Variants in CDK14 observed in about 807,000 individuals in gnomAD.
The protein encoded by CDK14 is cyclin dependent kinase 14.
Under a neutral mutation model 60.7 loss-of-function variants are expected in CDK14, and 34 were observed. That is an observed-to-expected ratio of 0.56 (90% confidence interval 0.43 to 0.75). The LOEUF (loss-of-function observed/expected upper bound fraction) is 0.75, where lower values mean the gene tolerates loss of function less well. Among genes scored for constraint, CDK14 ranks in the 30% least tolerant of loss-of-function variants. CDK14 has a pLI of 0.00. For missense variants in CDK14, 482 were observed against 564.1 expected (o/e 0.85, Z 1.47); for synonymous variants, 197 against 203.7 (o/e 0.97, Z 0.28).
chr7:91,153,626 A>G (rs1584137133), intron 14 of CDK14, among the ~76,000 whole-genome samples: 1 of 152,214 alleles, frequency 6.6e-6, no homozygotes, highest in Admixed American at 6.5e-5. Flanking sequence ...AAACTAATGC[A>G]GGAACGGAAA....
At chr7:90,605,543 G>C (rs977455595) in intron 2 of CDK14, among the ~76,000 whole-genome samples, 3 of 152,126 alleles carry the variant, frequency 2.0e-5, no homozygotes, top group African/African-American at 7.2e-5. Flanking sequence ...TTTCAGGAGA[G>C]TGTTTTCTTT....
At chr7:91,030,146 T>C (rs1259679571) in intron 10 of CDK14, among the ~76,000 whole-genome samples, 2 of 152,238 alleles carry the variant, frequency 1.3e-5, no homozygotes, top group African/African-American at 2.4e-5. Context: ...ATTGTATATA[T>C]CTAAATGCTA....
In CDK14 at chr7:90,706,008, C is replaced by T. The variant is rs562396682; in HGVS notation, c.124-20559C>T. Among the ~76,000 whole-genome samples the T allele has an allele frequency of 2.0e-5, 3 of 152,218 alleles. No homozygotes were observed. The East Asian group carries it at 5.8e-4, about 29-fold the overall frequency. ...AAGTCTCATATAAAGACAGGCATTT[C>T]AAAGGATCGATTTTTGTTTACTCAC... On this transcript the variant is annotated intron_variant, in intron 2 of 14. Transcript: ENST00000380050.
intron 14 of CDK14, among the ~76,000 whole-genome samples, chr7:91,175,105 T>C (rs1353583295): frequency 6.8e-6 from 1 of 147,142 alleles, no homozygotes; most frequent in Non-Finnish European, 1.5e-5. Flanking sequence ...TAACAGCGGA[T>C]CTCTCGGCAG....
At chr7:91,176,153 T>C (rs1160340394) in intron 14 of CDK14, among the ~76,000 whole-genome samples, 7 of 151,546 alleles carry the variant, frequency 4.6e-5, no homozygotes, top group Admixed American at 1.3e-4. Context: ...GGATTAAGAA[T>C]CTCACTCAAA....
intron 14 of CDK14, among the ~76,000 whole-genome samples, chr7:91,185,221 A>G (rs1252658886): frequency 6.6e-6 from 1 of 151,148 alleles, no homozygotes; most frequent in Non-Finnish European, 1.5e-5. Context: ...TAAAAGAACT[A>G]TTTAGAAAAC....
At chr7:90,846,614 T>C (rs1378084961) in intron 5 of CDK14, among the ~76,000 whole-genome samples, 1 of 151,988 alleles carries the variant, frequency 6.6e-6, no homozygotes, top group Non-Finnish European at 1.5e-5. Flanking sequence ...AAAGGAAAAA[T>C]GTAAAAACCT....
At chr7:90,982,909 A>G (rs1795268928) in intron 9 of CDK14, among the ~76,000 whole-genome samples, 3 of 152,164 alleles carry the variant, frequency 2.0e-5, no homozygotes, top group Non-Finnish European at 4.4e-5. Context: ...GGCATTTCTC[A>G]AAAGAAGACA....
intron 1 of CDK14, among the ~76,000 whole-genome samples, chr7:90,603,894 A>G (rs1332996440): frequency 2.6e-5 from 4 of 152,220 alleles, no homozygotes; most frequent in African/African-American, 9.6e-5. Flanking sequence ...CTTTAAGATT[A>G]CTTCGTGATT....
chr7:90,804,183 G>A (rs1303835004), intron 5 of CDK14, among the ~76,000 whole-genome samples: 1 of 152,196 alleles, frequency 6.6e-6, no homozygotes, highest in African/African-American at 2.4e-5. Flanking sequence ...CAGTCTTGAT[G>A]GAGACTGTGC....
At position 91,067,944 on chromosome 7, in the gene CDK14, G is replaced by C. The variant is rs143193425; in HGVS notation, c.1106-11488G>C. Among the ~76,000 whole-genome samples the C allele has an allele frequency of 8.6e-3, 1,310 of 152,280 alleles. 14 individuals are homozygous for C. The highest frequency in any genetic ancestry group is 0.028 in the African/African-American group (1,162 of 41,552). On this transcript the variant is annotated intron_variant, in intron 11 of 14. Transcript: ENST00000380050. ...GAAATCATAGCAAATTATTAAGCTTGCTTTGCGGATAGTACAAAGTTAAGG... is the reference window on the plus strand; with the variant it reads ...GAAATCATAGCAAATTATTAAGCTTCCTTTGCGGATAGTACAAAGTTAAGG...
chr7:90,908,842 T>C (rs998775908), intron 7 of CDK14, among the ~76,000 whole-genome samples: 4 of 152,192 alleles, frequency 2.6e-5, no homozygotes, highest in Non-Finnish European at 4.4e-5. Context: ...TACATCCTAT[T>C]TGAAATTAGT....
chr7:91,010,212 A>G (rs1411620165), intron 10 of CDK14, among the ~76,000 whole-genome samples: 1 of 152,090 alleles, frequency 6.6e-6, no homozygotes, highest in Non-Finnish European at 1.5e-5. Flanking sequence ...CATTCAACTT[A>G]TACAGACTTT....
intron 1 of CDK14, among the ~76,000 whole-genome samples, chr7:90,603,492 T>A (rs1033602689): frequency 6.6e-6 from 1 of 152,148 alleles, no homozygotes; most frequent in African/African-American, 2.4e-5. Context: ...ATAGCCTAGG[T>A]GTGTAGTAGG....
chr7:90,925,882 A>G lies in CDK14; in HGVS notation c.826+8158A>G, dbSNP rs191955110. Among the ~76,000 whole-genome samples, 13 of 152,326 alleles carry G rather than the reference A, an allele frequency of 8.5e-5. No individual in the cohort carries two copies. The East Asian group carries it at 2.5e-3, about 29-fold the overall frequency. On this transcript the variant is annotated intron_variant, in intron 8 of 14. Transcript: ENST00000380050. Reference sequence around the variant, plus strand: ...TCTATGTGGGGAAATTAAATCACTCATATAAGAGAAAAGCAAATCCTTTTA... The same window carrying G: ...TCTATGTGGGGAAATTAAATCACTCGTATAAGAGAAAAGCAAATCCTTTTA...
chr7:90,915,503 A>AC (rs1015041842), intron 7 of CDK14, among the ~76,000 whole-genome samples: 2 of 152,008 alleles, frequency 1.3e-5, no homozygotes, highest in Non-Finnish European at 2.9e-5. Flanking sequence ...CTGAGCCTGC[A>AC]CCCCCCAAAA....
At chr7:90,908,572 C>G (rs1042481864) in intron 7 of CDK14, among the ~76,000 whole-genome samples, 1 of 150,660 alleles carries the variant, frequency 6.6e-6, no homozygotes, top group African/African-American at 2.5e-5. Context: ...TTGCCTCTCT[C>G]CAGTTTAAGA....
intron 8 of CDK14, among the ~76,000 whole-genome samples, chr7:90,925,026 A>G (rs1272425247): frequency 6.6e-6 from 1 of 152,228 alleles, no homozygotes; most frequent in African/African-American, 2.4e-5. Context: ...TTAATTTTCA[A>G]TACATGTCTG....
At chr7:90,603,725 C>T (rs1799362347) in intron 1 of CDK14, among the ~76,000 whole-genome samples, 1 of 152,134 alleles carries the variant, frequency 6.6e-6, no homozygotes, top group Non-Finnish European at 1.5e-5. Flanking sequence ...TAAATTATGT[C>T]TCTTACTCTG....
Sources: gnomAD v4.1 joint callset for allele counts (sites outside exome capture counted in the v4.1 genomes callset) on GRCh38, gnomAD v4.1.1 for gene constraint, MANE v1.5 for transcripts, NCBI Gene and HGNC (gene_info 2026-07-23, HGNC 2026-07-21) for gene names.